NETO2: variants seen among roughly 807,000 people sequenced by gnomAD.
The protein encoded by NETO2 is neuropilin and tolloid like 2.
Under a neutral mutation model 62.5 loss-of-function variants are expected in NETO2, and 28 were observed. That is an observed-to-expected ratio of 0.45 (90% CI 0.33 to 0.61). The LOEUF is 0.61. Among genes scored for constraint, NETO2 ranks in the 20% least tolerant of loss-of-function variants. The pLI is 0.02. For synonymous variants in NETO2, 214 were observed against 219.1 expected (o/e 0.98, Z 0.21); for missense variants, 548 against 643.2 (o/e 0.85, Z 1.60).
chr16:47,088,104 T>A (rs1277109853), intron 7 of NETO2, among the ~76,000 whole-genome samples: 1 of 151,404 alleles, frequency 6.6e-6, no homozygotes, highest in Non-Finnish European at 1.5e-5. Context: ...CCTTAGCAAT[T>A]TTTTTTTCTT....
chr16:47,128,076 G>C (rs1271903860), intron 4 of NETO2, among the ~76,000 whole-genome samples: 1 of 152,066 alleles, frequency 6.6e-6, no homozygotes, highest in Non-Finnish European at 1.5e-5. Flanking sequence ...TGTGCTATAA[G>C]ACAGAAAAAA....
chr16:47,099,898 T>A (rs1963506097), intron 7 of NETO2, among the ~76,000 whole-genome samples: 1 of 152,134 alleles, frequency 6.6e-6, no homozygotes, highest in Non-Finnish European at 1.5e-5. Flanking sequence ...ATTAGACAGA[T>A]AACGAGACGG....
intron 7 of NETO2, among the ~76,000 whole-genome samples, chr16:47,107,275 G>A (rs1963695832): frequency 6.6e-6 from 1 of 152,128 alleles, no homozygotes; most frequent in Admixed American, 6.5e-5. Context: ...TGGGATGTGG[G>A]CTCCTAGGAA....
intron 6 of NETO2, among the ~76,000 whole-genome samples, chr16:47,113,287 C>G (rs1015244369): frequency 2.0e-5 from 3 of 152,222 alleles, no homozygotes; most frequent in African/African-American, 7.2e-5. Context: ...ACTCAATCCA[C>G]TACTCAGTCC....
chr16:47,125,768 A>G (rs951019810), intron 4 of NETO2, among the ~76,000 whole-genome samples: 5 of 151,980 alleles, frequency 3.3e-5, no homozygotes, highest in African/African-American at 7.3e-5. Context: ...ATAGCTCACT[A>G]TAACTTTGAA....
chr16:47,083,718 G>C lies in NETO2; in HGVS notation c.1081C>G (p.Leu361Val), dbSNP rs1174336771. The change falls in exon 9 of 9, where the codon CTT (leucine) becomes GTT (valine). Residue 361 changes from leucine to valine, a missense_variant. By Grantham distance (32) the Leu-to-Val change is conservative. Transcript: ENST00000562435. ...TGTACTAAAATAGAAATAATGAGAA[G>C]GACCAAGACAATCCCTGAAGTAATG... ...IGITSGIVLV[L>V]LIISILVQVK... The C allele has an allele frequency of 6.2e-7, 1 of 1,614,072 alleles. No individual in the cohort carries two copies. The highest frequency in any genetic ancestry group is 8.5e-7 in the Non-Finnish European group (1 of 1,179,968).
At chr16:47,113,754 G>A (rs962777998) in intron 6 of NETO2, among the ~76,000 whole-genome samples, 7 of 151,670 alleles carry the variant, frequency 4.6e-5, no homozygotes, top group African/African-American at 7.3e-5. Context: ...ACCAGGCCCG[G>A]CTAATTTTTT....
At chr16:47,115,174 C>G (rs1471855249) in intron 6 of NETO2, among the ~76,000 whole-genome samples, 1 of 152,176 alleles carries the variant, frequency 6.6e-6, no homozygotes, top group Non-Finnish European at 1.5e-5. Flanking sequence ...GGTCATGAGT[C>G]TTCCATGTTT....
intron 1 of NETO2, among the ~76,000 whole-genome samples, chr16:47,142,796 A>C (rs1027704988): frequency 2.6e-5 from 4 of 152,238 alleles, no homozygotes; most frequent in African/African-American, 7.2e-5. Context: ...GGAAATGCAA[A>C]GCCGGTGGAG....
chr16:47,109,800 C>T, intron 6 of NETO2, 89 bp from the exon 7 acceptor site: 2 of 855,796 alleles, frequency 2.3e-6, no homozygotes, highest in Non-Finnish European at 3.7e-6. Flanking sequence ...ACATGGGACA[C>T]CGAATGACAG....
At chr16:47,086,850 G>A (rs988702097) in intron 7 of NETO2, among the ~76,000 whole-genome samples, 17 of 152,116 alleles carry the variant, frequency 1.1e-4, no homozygotes, top group Middle Eastern at 3.2e-3. Flanking sequence ...GTTCACAGCA[G>A]CATTATGCAC....
intron 8 of NETO2, 109 bp downstream of exon 8, chr16:47,086,114 AAAC>A: frequency 1.3e-6 from 1 of 740,842 alleles, no homozygotes; most frequent in Non-Finnish European, 2.4e-6. Context: ...TCAAACAAAC[AAAC>A]AAAAAGCAGC....
rs771907258 is a variant in NETO2, at chr16:47,109,522, G to C, written c.844C>G (p.Leu282Val). Residue 282 changes from leucine (L) to valine (V), a missense_variant, in exon 7 of 9, where the codon CTT becomes GTT. By Grantham distance (32) the Leu-to-Val change is conservative. Transcript: ENST00000562435. ...GTAAAGAGCATTCGAAACCTGCTAA[G>C]CCGACTACCTTCATCTGCCCACATT... ...IRMWADEGSR[L>V]SRFRMLFTSF... The C allele has an allele frequency of 1.4e-5, 22 of 1,614,030 alleles. No individual in the cohort carries two copies. Among genetic ancestry groups the C allele is most frequent in the Non-Finnish European group, 1.9e-5 (22 of 1,179,940 alleles).
intron 1 of NETO2, among the ~76,000 whole-genome samples, chr16:47,136,505 A>C (rs1964363576): frequency 6.6e-6 from 1 of 152,218 alleles, no homozygotes; most frequent in Non-Finnish European, 1.5e-5. Context: ...TTCTGGGTTC[A>C]AGCAATTCTC....
chr16:47,115,732 C>T (rs9931806), intron 6 of NETO2, among the ~76,000 whole-genome samples: 2,729 of 133,824 alleles, frequency 0.02, 164 homozygotes, highest in African/African-American at 0.078. Context: ...TATATATATA[C>T]ATGTATATAT....
In NETO2 at chr16:47,093,788, T is replaced by C. The variant is rs545462495; in HGVS notation, c.884-7449A>G. 7.2e-5 allele frequency among the ~76,000 whole-genome samples: 11 copies of C among 152,332 alleles called. No individual in the cohort carries two copies. The East Asian group carries it at 9.6e-4, about 13-fold the overall frequency. On this transcript the variant is annotated intron_variant, in intron 7 of 8. Coordinates refer to ENST00000562435, the MANE Select transcript of NETO2 (RefSeq NM_018092.5). Reference sequence around the variant, plus strand: ...AATACAATGCCTTGAAATTATAAGATTGAGAAAAACTATTAATTTTCAAAT... The same window carrying C: ...AATACAATGCCTTGAAATTATAAGACTGAGAAAAACTATTAATTTTCAAAT...
chr16:47,131,625 T>C (rs1964268028), intron 2 of NETO2, among the ~76,000 whole-genome samples: 1 of 152,202 alleles, frequency 6.6e-6, no homozygotes, highest in Non-Finnish European at 1.5e-5. Flanking sequence ...TTGAATAAGA[T>C]ATTAATTGAA....
chr16:47,128,367 G>A lies in NETO2; in HGVS notation c.439C>T (p.Leu147Phe), dbSNP rs758698142. Residue 147 changes from leucine (L) to phenylalanine (F), a missense_variant, in exon 4 of 9, where the codon CTT (leucine) becomes TTT (phenylalanine). Transcript: ENST00000562435. ...MWIKFSSDEELEGLGFRAKYS... is the reference protein window; with the variant it reads ...MWIKFSSDEEFEGLGFRAKYS... Reference sequence around the variant, plus strand: ...TTTGCTCGAAATCCCAGTCCTTCAAGCTCTTCATCAGAACTAAACTTAATC... The same window carrying A: ...TTTGCTCGAAATCCCAGTCCTTCAAACTCTTCATCAGAACTAAACTTAATC... 2 of 1,613,928 alleles carry A rather than the reference G, an allele frequency of 1.2e-6. No individual in the cohort carries two copies. The highest frequency in any genetic ancestry group is 1.7e-6 in the Non-Finnish European group (2 of 1,179,954).
intron 7 of NETO2, among the ~76,000 whole-genome samples, chr16:47,108,225 G>A (rs979165602): frequency 6.6e-6 from 1 of 152,322 alleles, no homozygotes; most frequent in Middle Eastern, 3.4e-3. Flanking sequence ...CAGAAGGTAT[G>A]ATGGAAATGG....
Sources: gnomAD v4.1 joint callset for allele counts (sites outside exome capture counted in the v4.1 genomes callset) on GRCh38, gnomAD v4.1.1 for gene constraint, MANE v1.5 for transcripts, NCBI Gene and HGNC (gene_info 2026-07-23, HGNC 2026-07-21) for gene names.